Variants in PHC2 observed in about 807,000 individuals in gnomAD.
The protein encoded by PHC2 is polyhomeotic homolog 2, also known as polyhomeotic-like protein 2.
In PHC2, 29 loss-of-function variants were observed where a neutral mutation model predicts 87.4. The ratio of observed to expected loss-of-function variants is 0.33; its 90% CI spans 0.25 to 0.45. PHC2 has a LOEUF of 0.45. Ranked by LOEUF, PHC2 falls within the 20% of genes least tolerant of loss-of-function variation. The pLI, the probability that PHC2 is intolerant of heterozygous loss-of-function variation, is 1.00. For missense variants in PHC2, 857 were observed against 1,136.7 expected (o/e 0.75, Z 3.54); for synonymous variants, 438 against 461.7 (o/e 0.95, Z 0.66).
chr1:33,389,501 A>G (rs1327935502), intron 1 of PHC2, among the ~76,000 whole-genome samples: 1 of 151,966 alleles, frequency 6.6e-6, no homozygotes, highest in Admixed American at 6.6e-5. Flanking sequence ...CCACCACTTA[A>G]AGGGCCCAGC....
At chr1:33,357,857 G>A (rs963555766) in intron 7 of PHC2, among the ~76,000 whole-genome samples, 2 of 152,272 alleles carry the variant, frequency 1.3e-5, no homozygotes, top group African/African-American at 4.8e-5. Flanking sequence ...CTCCTGTAAT[G>A]CAAAATCATG....
In PHC2 at chr1:33,334,395, G is replaced by A; in HGVS notation, c.1559-103C>T. 2.0e-6 allele frequency: 2 copies of A among 1,002,140 alleles called. No homozygotes were observed. Among genetic ancestry groups the A allele is most frequent in the Non-Finnish European group, 3.0e-6 (2 of 666,948 alleles). 62.1% of individuals were successfully genotyped at this position (1,002,140 alleles called of 1,614,324 possible). A position where few individuals can be genotyped will look rare whatever the true frequency, so the allele number is the denominator to read the frequency against. On this transcript the variant is annotated intron_variant, in intron 9 of 14. Transcript: ENST00000683057. This position sits in a 1 kb window ranked among gnomAD's most constrained non-coding sequence, Gnocchi z 5.5. ...TCAAACTGCGCCCGGCTTTTACCGT[G>A]GGGCCAAGCGACAATGCAAACCAAG...
At chr1:33,361,696 C>G (rs936802656) in intron 7 of PHC2, among the ~76,000 whole-genome samples, 1 of 152,240 alleles carries the variant, frequency 6.6e-6, no homozygotes, top group African/African-American at 2.4e-5. Context: ...GGAGATAATT[C>G]TAGCAGTTGT....
intron 1 of PHC2, among the ~76,000 whole-genome samples, chr1:33,426,548 AT>A (rs1650679870): frequency 6.6e-6 from 1 of 152,242 alleles, no homozygotes; most frequent in African/African-American, 2.4e-5. Context: ...CATCAGGACT[AT>A]AACTCTCTCC....
intron 1 of PHC2, among the ~76,000 whole-genome samples, chr1:33,393,559 G>A (rs1320499637): frequency 6.7e-6 from 1 of 148,842 alleles, no homozygotes; most frequent in Non-Finnish European, 1.5e-5. Context: ...TCAGGGACCA[G>A]TGCAGTCTGT....
chr1:33,365,035 G>C (rs115620468), intron 7 of PHC2, among the ~76,000 whole-genome samples: 2,697 of 152,322 alleles, frequency 0.018, 78 homozygotes, highest in African/African-American at 0.063. Context: ...TAAGAACTGA[G>C]AGGGACGATC....
chr1:33,325,987 GTGGAGAT>G (rs1242708592), intron 14 of PHC2: 2 of 418,038 alleles, frequency 4.8e-6, no homozygotes, highest in Admixed American at 5.5e-5. Context: ...GAAACTCTTA[GTGGAGAT>G]TGGAAGAAAC....
intron 1 of PHC2, among the ~76,000 whole-genome samples, chr1:33,398,066 G>A (rs1429772259): frequency 1.3e-5 from 2 of 152,176 alleles, no homozygotes; most frequent in Non-Finnish European, 1.5e-5. Context: ...ATCTGGCTCT[G>A]CCATTAGATC....
chr1:33,411,447 T>G (rs1284672801), intron 1 of PHC2, among the ~76,000 whole-genome samples: 1 of 145,708 alleles, frequency 6.9e-6, no homozygotes, highest in Non-Finnish European at 1.5e-5. Context: ...AACATCTCTG[T>G]TTTTTGTTGT....
intron 1 of PHC2, among the ~76,000 whole-genome samples, chr1:33,427,182 C>A (rs1317382208): frequency 6.6e-6 from 1 of 152,136 alleles, no homozygotes; most frequent in Non-Finnish European, 1.5e-5. Context: ...TAATCTGGTG[C>A]TGGGAAGATT....
chr1:33,345,742 A>T, intron 9 of PHC2: 1 of 984,708 alleles, frequency 1.0e-6, no homozygotes, highest in Non-Finnish European at 1.2e-6. Flanking sequence ...TGTAATAATT[A>T]TGTCTTGGAT....
rs1407825951 is a variant in PHC2, at chr1:33,330,205, CGTT to C, written c.2011_2013del (p.Asn671del). The C allele has an allele frequency of 6.2e-7, 1 of 1,614,008 alleles. No homozygotes were observed. The highest frequency in any genetic ancestry group is 1.3e-5 in the African/African-American group (1 of 74,928). ...AGTCCCACCCGTTTGGTGCATCCCA[CGTT>C]GTACCTTCAGGGACAGGGGAACAGG... On this transcript the variant is annotated inframe_deletion, in exon 13 of 15. Coordinates refer to ENST00000683057, the MANE Select transcript of PHC2 (RefSeq NM_001385109.1).
intron 7 of PHC2, among the ~76,000 whole-genome samples, chr1:33,359,842 G>A (rs1185203059): frequency 2.6e-5 from 4 of 152,170 alleles, no homozygotes; most frequent in Admixed American, 2.0e-4. Flanking sequence ...GGTGAATTCA[G>A]GGATCTCCAG....
chr1:33,356,249 T>TTATATATATATATATATATATATG (rs1647069140), intron 7 of PHC2, among the ~76,000 whole-genome samples: 10 of 101,530 alleles, frequency 9.8e-5, no homozygotes, highest in East Asian at 6.1e-4. Context: ...GTGAAAATTC[T>TTATATATATATATATATATATATG]TATATATATA....
chr1:33,404,057 C>G (rs1483799061), intron 1 of PHC2, among the ~76,000 whole-genome samples: 1 of 152,160 alleles, frequency 6.6e-6, no homozygotes, highest in Non-Finnish European at 1.5e-5. Context: ...TCAGCTCAGA[C>G]CTCTCCTCTG....
intron 7 of PHC2, among the ~76,000 whole-genome samples, chr1:33,365,575 C>G (rs993697219): frequency 6.6e-6 from 1 of 152,216 alleles, no homozygotes; most frequent in Non-Finnish European, 1.5e-5. Context: ...GAAAGAGCCC[C>G]CAGTCTACCC....
intron 1 of PHC2, among the ~76,000 whole-genome samples, chr1:33,389,257 C>T (rs1302223515): frequency 6.6e-6 from 1 of 152,096 alleles, no homozygotes; most frequent in East Asian, 1.9e-4. Flanking sequence ...ACTCCAAGCT[C>T]TGTGCAGTAA....
At chr1:33,419,975 A>G (rs1381432001) in intron 1 of PHC2, among the ~76,000 whole-genome samples, 1 of 151,882 alleles carries the variant, frequency 6.6e-6, no homozygotes, top group Non-Finnish European at 1.5e-5. Flanking sequence ...CCCCCATGTC[A>G]AGATCCTTAA....
At chr1:33,396,854 C>T (rs998301054) in intron 1 of PHC2, among the ~76,000 whole-genome samples, 1 of 152,208 alleles carries the variant, frequency 6.6e-6, no homozygotes, top group African/African-American at 2.4e-5. Context: ...TCTGAGCTGA[C>T]GGACAGCAGC....
Sources: allele counts gnomAD v4.1 joint callset (sites outside exome capture counted in the v4.1 genomes callset), GRCh38; gene constraint gnomAD v4.1.1; non-coding constraint Gnocchi (gnomAD v3.1); transcripts MANE v1.5; gene names NCBI Gene and HGNC (gene_info 2026-07-23, HGNC 2026-07-21).